Variants in RASA3 observed in about 807,000 individuals in gnomAD.
RASA3 encodes the protein RAS p21 protein activator 3, also known as ras GTPase-activating protein 3.
Under a neutral mutation model 110.0 loss-of-function variants are expected in RASA3, and 73 were observed. The ratio of observed to expected loss-of-function variants is 0.66; its 90% CI spans 0.55 to 0.81. RASA3 has a LOEUF of 0.81. RASA3 is among the 30% of genes least tolerant of loss of function. The pLI is 0.00. For missense variants in RASA3, 976 were observed against 1,113.2 expected (o/e 0.88, Z 1.75); for synonymous variants, 500 against 451.4 (o/e 1.11, Z -1.37).
At chr13:114,121,999 C>T (rs1459337569) in intron 1 of RASA3, among the ~76,000 whole-genome samples, 2 of 152,228 alleles carry the variant, frequency 1.3e-5, no homozygotes, top group Non-Finnish European at 2.9e-5. Flanking sequence ...CTCCAGCCAC[C>T]GCCCCTAAAC....
Position 114,057,506 on chromosome 13 carries a change from T to C in RASA3, c.174-5351A>G, listed in dbSNP as rs901379768. ...CAGAATAGAGGGTTCGTTCAGCTTC[T>C]TAGACCGATGATTTATTTAGGGAAT... On this transcript the variant is annotated intron_variant, in intron 2 of 23. Coordinates refer to ENST00000334062, the MANE Select transcript of RASA3 (RefSeq NM_007368.4). The surrounding 1 kb of genome is among the most constrained non-coding windows in gnomAD (Gnocchi z 5.0). The C allele has an allele frequency of 1.0e-6, 1 of 985,232 alleles. No individual in the cohort carries two copies. Among genetic ancestry groups the C allele is most frequent in the Non-Finnish European group, 1.2e-6 (1 of 829,898 alleles). 61.0% of individuals were successfully genotyped at this position (985,232 alleles called of 1,614,324 possible).
intron 1 of RASA3, among the ~76,000 whole-genome samples, chr13:114,093,648 CTTGT>C (rs1361983847): frequency 2.0e-5 from 3 of 152,066 alleles, no homozygotes; most frequent in Admixed American, 6.5e-5. Context: ...CTTCTTCTGC[CTTGT>C]TTTTCTCAAT....
chr13:113,995,726 G>C, intron 21 of RASA3, among the ~76,000 whole-genome samples: 1 of 87,516 alleles, frequency 1.1e-5, no homozygotes, highest in African/African-American at 5.3e-5. Flanking sequence ...CCCAGCTGAT[G>C]GGGGGCCCGG....
At chr13:114,012,790 C>T (rs1285574389) in intron 15 of RASA3, among the ~76,000 whole-genome samples, 3 of 124,678 alleles carry the variant, frequency 2.4e-5, no homozygotes, top group African/African-American at 6.5e-5. Flanking sequence ...ACACTCCCCA[C>T]GCAGTCCACG....
intron 5 of RASA3, among the ~76,000 whole-genome samples, chr13:114,028,471 A>C (rs1566498715): frequency 1.3e-5 from 2 of 151,156 alleles, no homozygotes; most frequent in Non-Finnish European, 2.9e-5. Flanking sequence ...GGGAGCCAGG[A>C]CCCCTAAAAC....
intron 21 of RASA3, among the ~76,000 whole-genome samples, chr13:113,993,833 AAAAG>A (rs1438762621): frequency 3.6e-4 from 53 of 146,296 alleles, no homozygotes; most frequent in African/African-American, 1.1e-3. Flanking sequence ...AAAAAAAAAG[AAAAG>A]AAAAGAAAAT....
Position 114,065,846 on chromosome 13 carries a change from G to C in RASA3, c.173+7874C>G, listed in dbSNP as rs1268152765. Reference sequence around the variant, plus strand: ...TGGGTTGCAGCCTCCTGTGGTTCAAGATGGGTGGGGTTATTTTGAAATGTT... The same window carrying C: ...TGGGTTGCAGCCTCCTGTGGTTCAACATGGGTGGGGTTATTTTGAAATGTT... On this transcript the variant is annotated intron_variant, in intron 2 of 23. Transcript: ENST00000334062. The surrounding 1 kb of genome is among the most constrained non-coding windows in gnomAD (Gnocchi z 4.1). 1.3e-5 allele frequency among the ~76,000 whole-genome samples: 2 copies of C among 152,240 alleles called. No individual in the cohort carries two copies. Among genetic ancestry groups the C allele is most frequent in the African/African-American group, 2.4e-5 (1 of 41,470 alleles).
At chr13:114,017,507 G>A (rs923881208) in intron 11 of RASA3, among the ~76,000 whole-genome samples, 156 bp from the exon 12 acceptor site, 1 of 152,262 alleles carries the variant, frequency 6.6e-6, no homozygotes, top group African/African-American at 2.4e-5. Flanking sequence ...AACCAGGCCA[G>A]GTGCTTGGAG....
chr13:114,104,877 C>G (rs564676663), intron 1 of RASA3, among the ~76,000 whole-genome samples: 1 of 149,654 alleles, frequency 6.7e-6, no homozygotes, highest in African/African-American at 2.5e-5. Flanking sequence ...TCCCCACACA[C>G]GCTACCCACT....
intron 2 of RASA3, among the ~76,000 whole-genome samples, chr13:114,071,898 G>A (rs1352404826): frequency 6.6e-6 from 1 of 152,168 alleles, no homozygotes; most frequent in Non-Finnish European, 1.5e-5. Context: ...CAGATGCAAG[G>A]ATATAATTCT....
chr13:114,019,948 C>G (rs1486105676), intron 9 of RASA3, among the ~76,000 whole-genome samples: 7 of 55,332 alleles, frequency 1.3e-4, no homozygotes, highest in Admixed American at 1.1e-3. Flanking sequence ...GCATTAGCCC[C>G]CGCCAGGTGG....
chr13:114,117,938 A>AG (rs2080317044), intron 1 of RASA3, among the ~76,000 whole-genome samples: 1 of 148,808 alleles, frequency 6.7e-6, no homozygotes, highest in South Asian at 2.2e-4. Context: ...CATGTGTGTG[A>AG]GGGGTGCACG....
chr13:114,010,799 C>T lies in RASA3; in HGVS notation c.1590+372G>A, dbSNP rs80344735. 2.2e-4 allele frequency among the ~76,000 whole-genome samples: 27 copies of T among 124,842 alleles called. 2 individuals are homozygous for T. Among genetic ancestry groups the T allele is most frequent in the African/African-American group, 7.4e-4 (19 of 25,560 alleles). The allele number at this position is 124,842 out of a possible 152,430, so 81.9% of individuals were successfully genotyped here. The stretch of plus-strand genomic sequence containing the variant: ...GGGGGCCGCGTGGGGAGGAGGGGGC[C>T]GCGAGGGGAGTAGGGGGCTGCGTGA... On this transcript the variant is annotated intron_variant, in intron 16 of 23. Coordinates refer to ENST00000334062, the MANE Select transcript of RASA3 (RefSeq NM_007368.4).
At chr13:114,046,153 A>G (rs1470190244) in intron 3 of RASA3, among the ~76,000 whole-genome samples, 1 of 152,256 alleles carries the variant, frequency 6.6e-6, no homozygotes, top group Non-Finnish European at 1.5e-5. Flanking sequence ...ATCTTACACT[A>G]CAATGTAAGA....
intron 8 of RASA3, among the ~76,000 whole-genome samples, chr13:114,023,131 G>A (rs1267892769): frequency 6.6e-6 from 1 of 152,250 alleles, no homozygotes; most frequent in African/African-American, 2.4e-5. Flanking sequence ...GGTCCCCCCA[G>A]GGCAGTGTTA....
chr13:114,024,931 T>C (rs1477886915), intron 7 of RASA3, among the ~76,000 whole-genome samples: 1 of 151,234 alleles, frequency 6.6e-6, no homozygotes, highest in African/African-American at 2.5e-5. Context: ...AGAAACGGAG[T>C]GAAGGCGTGA....
At chr13:114,075,558 C>A (rs1443514726) in intron 1 of RASA3, among the ~76,000 whole-genome samples, 1 of 70,160 alleles carries the variant, frequency 1.4e-5, no homozygotes, top group Non-Finnish European at 2.5e-5. Flanking sequence ...ACGAAGCCTC[C>A]CGTGTCCGCG....
At chr13:114,082,744 T>G (rs916199315) in intron 1 of RASA3, among the ~76,000 whole-genome samples, 1 of 152,236 alleles carries the variant, frequency 6.6e-6, no homozygotes, top group African/African-American at 2.4e-5. Context: ...GGCCTGGGGC[T>G]GCACCCCCAG....
chr13:114,122,130 C>T (rs560906700), intron 1 of RASA3, among the ~76,000 whole-genome samples: 2 of 152,362 alleles, frequency 1.3e-5, no homozygotes, highest in Non-Finnish European at 2.9e-5. Flanking sequence ...CCAGGCTGCG[C>T]AGCCGGCCAC....
Sources: gnomAD v4.1 joint callset for allele counts (sites outside exome capture counted in the v4.1 genomes callset) on GRCh38, gnomAD v4.1.1 for gene constraint, Gnocchi (gnomAD v3.1) non-coding constraint, MANE v1.5 for transcripts, NCBI Gene and HGNC (gene_info 2026-07-23, HGNC 2026-07-21) for gene names.